The following ARRDC2 variants were observed in gnomAD, a reference collection of about 807,000 sequenced individuals.
ARRDC2 encodes arrestin domain-containing protein 2.
A neutral mutation model predicts 38.9 loss-of-function variants in ARRDC2; 39 were observed. That is an observed-to-expected ratio of 1.00 (90% CI 0.78 to 1.31). The LOEUF is 1.31. Among genes scored for constraint, ARRDC2 ranks in the 50% most tolerant of loss-of-function variants. The pLI, the probability that ARRDC2 is intolerant of heterozygous loss-of-function variation, is 0.00. For missense variants in ARRDC2, 553 were observed against 588.4 expected, an observed-to-expected ratio of 0.94 and a Z score of 0.62; for synonymous variants, 300 against 261.9, an observed-to-expected ratio of 1.15 and a Z score of -1.41.
chr19:18,013,237 T>C lies in ARRDC2; in HGVS notation c.*271T>C, dbSNP rs2033449408. ...TTTAATAACCTGTCTTCCCAGCCAA[T>C]TGGTGGTGCTGGAATCCCCTAGGAG... On this transcript the variant is annotated 3_prime_UTR_variant, in exon 8 of 8. Coordinates refer to ENST00000222250, the MANE Select transcript of ARRDC2 (RefSeq NM_015683.2). 2 of 439,636 alleles carry C rather than the reference T, an allele frequency of 4.5e-6. No homozygotes were observed. The highest frequency in any genetic ancestry group is 6.2e-5 in the South Asian group (2 of 32,078). 27.2% of individuals were successfully genotyped at this position (439,636 alleles called of 1,614,324 possible).
At chr19:18,009,500 T>C (rs1465763406) in intron 3 of ARRDC2, 92 bp from the exon 4 acceptor site, 24 of 1,178,552 alleles carry the variant, frequency 2.0e-5, no homozygotes, top group Non-Finnish European at 7.3e-6. Context: ...CTGCCCAAAG[T>C]CCTCCCTCAG....
At position 18,011,952 on chromosome 19, in the gene ARRDC2, ATTTTT is replaced by A. The variant is rs71164342; in HGVS notation, c.1171-943_1171-939del. Among the ~76,000 whole-genome samples, 722 of 100,668 alleles carry A rather than the reference ATTTTT, an allele frequency of 7.2e-3. 4 individuals carry two copies. The highest frequency in any genetic ancestry group is 0.029 in the African/African-American group (685 of 23,366). 66.0% of individuals were successfully genotyped at this position (100,668 alleles called of 152,430 possible). A position where few individuals can be genotyped will look rare whatever the true frequency, so the allele number is the denominator to read the frequency against. On this transcript the variant is annotated intron_variant, in intron 7 of 7. Transcript: ENST00000222250. ...TATATGTGTATATATATATATATAT[ATTTTT>A]TTTTTTTTTTTTTTTTTGAGATGGA...
At chr19:18,005,653 G>A (rs1203255904), upstream of ARRDC2, among the ~76,000 whole-genome samples, 4 of 149,798 alleles carry the variant, frequency 2.7e-5, no homozygotes, top group African/African-American at 1.0e-4. Flanking sequence ...GGACGGGGCG[G>A]CTGGCCGGGC....
At chr19:18,005,894 C>T (rs2145998289), upstream of ARRDC2, among the ~76,000 whole-genome samples, 1 of 151,470 alleles carries the variant, frequency 6.6e-6, no homozygotes, top group South Asian at 2.1e-4. Context: ...GGCGGAGGGG[C>T]TCCTCACTTC....
upstream of ARRDC2, chr19:18,008,040 C>G: frequency 1.0e-6 from 1 of 956,926 alleles, no homozygotes; most frequent in Non-Finnish European, 1.4e-6. Context: ...TGTTATTTTG[C>G]TCCACGCCTG....
intron 1 of ARRDC2, among the ~76,000 whole-genome samples, chr19:18,002,177 C>T (rs189080827): frequency 6.6e-6 from 1 of 152,318 alleles, no homozygotes. Flanking sequence ...TCGTGTTACC[C>T]AGGGCCCCAC....
At chr19:18,011,934 G>GTGTGTATATATATATA (rs944958651) in intron 7 of ARRDC2, among the ~76,000 whole-genome samples, 9 of 68,386 alleles carry the variant, frequency 1.3e-4, no homozygotes, top group Admixed American at 2.3e-4. Context: ...GTGTATATGT[G>GTGTGTATATATATATA]TATATATATA....
chr19:18,009,483 C>T, intron 3 of ARRDC2, 109 bp from the exon 4 acceptor site: 2 of 1,008,670 alleles, frequency 2.0e-6, no homozygotes, highest in Non-Finnish European at 3.0e-6. Context: ...TAAAAAGAAA[C>T]CAAGCCCTGC....
chr19:18,008,266 T>C lies in ARRDC2; in HGVS notation c.-45T>C. 1 of 1,568,442 alleles carries C rather than the reference T, an allele frequency of 6.4e-7. No homozygotes were observed. Among genetic ancestry groups the C allele is most frequent in the South Asian group, 1.1e-5 (1 of 88,022 alleles). On this transcript the variant is annotated 5_prime_UTR_variant, in exon 1 of 8. Coordinates refer to ENST00000222250, the MANE Select transcript of ARRDC2 (RefSeq NM_015683.2). ...GCATCTTGAGCTGCCGGTTCGCGAG[T>C]TCGAGGCCAGGTTCCGCCTGTCGTG... is the stretch of plus-strand genomic sequence containing the variant.
At position 18,009,975 on chromosome 19, in the gene ARRDC2, G is replaced by T; in HGVS notation, c.785G>T (p.Arg262Leu). 1 of 1,603,204 alleles carries T rather than the reference G, an allele frequency of 6.2e-7. No individual in the cohort carries two copies. ...QRALWQGRALRIPPVGPSILH... is the reference protein window; with the variant it reads ...QRALWQGRALLIPPVGPSILH... Reference sequence around the variant, plus strand: ...GCGCTGTGGCAGGGCCGGGCACTGCGGATCCCCCCAGTGGGTCCTTCCATC... The same window carrying T: ...GCGCTGTGGCAGGGCCGGGCACTGCTGATCCCCCCAGTGGGTCCTTCCATC... The change falls in exon 5 of 8, where the codon CGG (arginine) becomes CTG (leucine). Residue 262 changes from arginine (R) to leucine (L), a missense_variant. Arg to Leu is a moderately radical substitution (Grantham distance 102). This residue lies in a region of ARRDC2 where 447 missense variants were observed against 456.6 expected (regional missense o/e 0.98). Transcript: ENST00000222250.
chr19:18,008,708 C>T lies in ARRDC2; in HGVS notation c.275-3C>T, dbSNP rs2033337021. The T allele has an allele frequency of 6.2e-7, 1 of 1,613,192 alleles. No individual in the cohort carries two copies. Among genetic ancestry groups the T allele is most frequent in the Non-Finnish European group, 8.5e-7 (1 of 1,179,988 alleles). On this transcript the variant is annotated splice_polypyrimidine_tract_variant and splice_region_variant and intron_variant, in intron 1 of 7. Coordinates refer to ENST00000222250, the MANE Select transcript of ARRDC2 (RefSeq NM_015683.2). ...AGTCGCCTCCTTTTTCTCCTACCTG[C>T]AGATACCGGGGAGACCACGACGCTG... is the stretch of plus-strand genomic sequence containing the variant.
In ARRDC2 at chr19:18,008,958, C is replaced by T. The variant is rs768885081; in HGVS notation, c.342-13C>T. ...TGTATCTTGTCCCCTGAAGTCCCGT[C>T]CCTCCACCCTAGGACCCTGGTGACA... is the stretch of plus-strand genomic sequence containing the variant. On this transcript the variant is annotated splice_polypyrimidine_tract_variant and intron_variant, in intron 2 of 7. Transcript: ENST00000222250. The T allele has an allele frequency of 4.0e-5, 64 of 1,612,752 alleles. No individual in the cohort carries two copies. Among genetic ancestry groups the T allele is most frequent in the South Asian group, 7.7e-5 (7 of 91,056 alleles).
At chr19:18,001,707 C>T in intron 1 of ARRDC2, 3 of 1,081,820 alleles carry the variant, frequency 2.8e-6, no homozygotes, top group Non-Finnish European at 3.5e-6. Flanking sequence ...AACCCCCTTC[C>T]CGGGGTCCTG....
chr19:18,012,772 C>T (rs974253437), intron 7 of ARRDC2, 141 bp from the exon 8 acceptor site: 6 of 799,082 alleles, frequency 7.5e-6, no homozygotes, highest in Admixed American at 2.5e-5. Flanking sequence ...CTCCTTGCAC[C>T]CCAGTCTGCC....
At position 18,008,541 on chromosome 19, in the gene ARRDC2, ACG is replaced by A. The variant is rs1491180478; in HGVS notation, c.234_235del (p.Val79GlyfsTer26). Reference sequence around the variant, plus strand: ...CGGCTTACACGCAGAGCTACAGTGAACGCGTGGAGGTCGTGAGCCACCGCGCC... The same window carrying A: ...CGGCTTACACGCAGAGCTACAGTGAACGTGGAGGTCGTGAGCCACCGCGCC... ...STAYTQSYSERVEVVSHRATL... is the reference protein window; with the variant it reads ...STAYTQSYSEXVEVVSHRATL... On this transcript the variant is annotated frameshift_variant, in exon 1 of 8. Transcript: ENST00000222250. LOFTEE classifies it high-confidence loss of function. The A allele has an allele frequency of 6.4e-7, 1 of 1,558,668 alleles. No individual in the cohort carries two copies. Among genetic ancestry groups the A allele is most frequent in the African/African-American group, 1.4e-5 (1 of 73,716 alleles).
upstream of ARRDC2, among the ~76,000 whole-genome samples, chr19:18,004,853 AGCGGGG>A (rs2033240622): frequency 6.6e-6 from 1 of 151,542 alleles, no homozygotes; most frequent in African/African-American, 2.4e-5. Context: ...TACAAAAATT[AGCGGGG>A]CATGGTGGTA....
upstream of ARRDC2, among the ~76,000 whole-genome samples, chr19:18,005,646 C>T (rs1409022612): frequency 6.0e-5 from 9 of 149,516 alleles, no homozygotes; most frequent in South Asian, 2.1e-4. Context: ...CCCTCCCGGA[C>T]GGGGCGGCTG....
intron 1 of ARRDC2, among the ~76,000 whole-genome samples, chr19:18,003,016 C>A (rs904118840): frequency 6.6e-6 from 1 of 152,120 alleles, no homozygotes. Flanking sequence ...GGCAGAATTG[C>A]TTGAACCCGG....
At chr19:18,001,625 G>T (rs926583361) in intron 1 of ARRDC2, 2 of 1,288,552 alleles carry the variant, frequency 1.6e-6, no homozygotes, top group South Asian at 2.2e-5. Flanking sequence ...CCTCGGCCGC[G>T]ACCCTCTTCA....
Sources: gnomAD v4.1 joint callset for allele counts (sites outside exome capture counted in the v4.1 genomes callset) on GRCh38, gnomAD v4.1.1 for gene constraint, gnomAD v4.1.1 regional missense constraint, MANE v1.5 for transcripts, NCBI Gene and HGNC (gene_info 2026-07-23, HGNC 2026-07-21) for gene names.